PTCHD4: variants seen among roughly 807,000 people sequenced by gnomAD.
The protein encoded by PTCHD4 is patched domain containing 4.
In PTCHD4, 33 loss-of-function variants were observed where a neutral mutation model predicts 58.1. The observed-to-expected ratio is 0.57, with a 90% CI of 0.43 to 0.76. The LOEUF is 0.76. Among genes scored for constraint, PTCHD4 ranks in the 30% least tolerant of loss-of-function variants. The pLI, the probability that PTCHD4 is intolerant of heterozygous loss-of-function variation, is 0.00. For synonymous variants in PTCHD4, 478 were observed against 409.6 expected (o/e 1.17, Z -2.02); for missense variants, 1,058 against 1,027.1 (o/e 1.03, Z -0.41).
intron 4 of PTCHD4, among the ~76,000 whole-genome samples, chr6:47,888,346 G>T (rs1017858353): frequency 1.3e-5 from 2 of 151,780 alleles, no homozygotes; most frequent in Non-Finnish European, 2.9e-5. Context: ...GACAGCGCGA[G>T]ACTCAGTCCC....
rs1763533203 is a variant in PTCHD4 at position 47,865,295 on chromosome 6, A to T, written c.*13008T>A. 6.6e-6 allele frequency among the ~76,000 whole-genome samples: 1 copy of T among 151,952 alleles called. No homozygotes were observed. The highest frequency in any genetic ancestry group is 1.5e-5 in the Non-Finnish European group (1 of 67,918). On this transcript the variant is annotated 3_prime_UTR_variant, in exon 5 of 5. Transcript: ENST00000339488. The stretch of plus-strand genomic sequence containing the variant: ...CATCTTTTATTTACTGAATTTAATT[A>T]ATGCAATATAAACCATTTTTCCCCA...
intron 4 of PTCHD4, among the ~76,000 whole-genome samples, chr6:47,951,391 A>T (rs535716087): frequency 1.3e-5 from 2 of 152,318 alleles, no homozygotes; most frequent in East Asian, 3.9e-4. Flanking sequence ...CATTCACAGA[A>T]TTATATCACA....
At chr6:47,907,809 A>G (rs1222992539) in intron 4 of PTCHD4, among the ~76,000 whole-genome samples, 1 of 152,168 alleles carries the variant, frequency 6.6e-6, no homozygotes, top group Non-Finnish European at 1.5e-5. Context: ...GTGGCAAGGT[A>G]GCACACAGCT....
rs182027663 is a variant in PTCHD4, at chr6:47,863,415, G to A, written c.*14888C>T. Among the ~76,000 whole-genome samples the A allele has an allele frequency of 2.5e-4, 38 of 151,848 alleles. No individual in the cohort carries two copies. Among genetic ancestry groups the A allele is most frequent in the Non-Finnish European group, 4.6e-4 (31 of 67,854 alleles). On this transcript the variant is annotated 3_prime_UTR_variant, in exon 5 of 5. Transcript: ENST00000339488. ...AAAAATAGTACTTTACTATTATTTG[G>A]CCTAATAATATAATAGTGTTTCAGC...
chr6:47,884,687 G>A (rs1314891080), intron 4 of PTCHD4, among the ~76,000 whole-genome samples: 1 of 152,184 alleles, frequency 6.6e-6, no homozygotes, highest in Non-Finnish European at 1.5e-5. Context: ...CTTGTTTTAA[G>A]AACAACTCCA....
chr6:47,973,425 A>G (rs547831485), intron 4 of PTCHD4, among the ~76,000 whole-genome samples: 7 of 152,250 alleles, frequency 4.6e-5, no homozygotes, highest in South Asian at 4.1e-4. Context: ...AAATGACAAT[A>G]AAAACAATGC....
intron 4 of PTCHD4, among the ~76,000 whole-genome samples, chr6:47,929,235 A>C (rs573656089): frequency 6.6e-6 from 1 of 152,350 alleles, no homozygotes; most frequent in East Asian, 1.9e-4. Flanking sequence ...TTACATACCA[A>C]AATGAAAACG....
chr6:47,916,083 G>C (rs1765233501), intron 4 of PTCHD4, among the ~76,000 whole-genome samples: 1 of 152,136 alleles, frequency 6.6e-6, no homozygotes, highest in Non-Finnish European at 1.5e-5. Flanking sequence ...GACTGCTTCT[G>C]CTCTGCCAAT....
chr6:47,923,351 T>C (rs1286636211), intron 4 of PTCHD4, among the ~76,000 whole-genome samples: 1 of 152,186 alleles, frequency 6.6e-6, no homozygotes, highest in East Asian at 1.9e-4. Flanking sequence ...TGGGAATTCT[T>C]ATAGTCTTAC....
At chr6:48,040,050 G>T (rs896122043) in intron 3 of PTCHD4, among the ~76,000 whole-genome samples, 2 of 152,034 alleles carry the variant, frequency 1.3e-5, no homozygotes, top group Non-Finnish European at 2.9e-5. Flanking sequence ...CCGATTAGTG[G>T]ATGTCACTTT....
At chr6:48,021,112 T>TA (rs1258712122) in intron 3 of PTCHD4, among the ~76,000 whole-genome samples, 3 of 152,038 alleles carry the variant, frequency 2.0e-5, no homozygotes, top group Admixed American at 6.6e-5. Context: ...TACTGTCTTT[T>TA]AAAAAATCCT....
chr6:48,041,491 A>C (rs749581402), intron 3 of PTCHD4, among the ~76,000 whole-genome samples: 9 of 152,044 alleles, frequency 5.9e-5, no homozygotes, highest in Admixed American at 6.6e-5. Flanking sequence ...AGGTCTACAC[A>C]CCTAACTATA....
rs1463014100 is a variant in PTCHD4, at chr6:47,863,284, A to T, written c.*15019T>A. ...AATTTTATATAAACATAAGATGTGA[A>T]CATACTGCTAAGGACTGTCCTAGGG... is the stretch of plus-strand genomic sequence containing the variant. On this transcript the variant is annotated 3_prime_UTR_variant, in exon 5 of 5. Transcript: ENST00000339488. 6.6e-6 allele frequency among the ~76,000 whole-genome samples: 1 copy of T among 151,912 alleles called. No homozygotes were observed. The highest frequency in any genetic ancestry group is 1.5e-5 in the Non-Finnish European group (1 of 67,896).
chr6:47,985,168 A>G (rs1329235048), intron 4 of PTCHD4, among the ~76,000 whole-genome samples: 2 of 152,092 alleles, frequency 1.3e-5, no homozygotes, highest in East Asian at 3.8e-4. Context: ...TGCTTTCTCT[A>G]TGTATAGCTT....
rs148377402 is a variant in PTCHD4, at chr6:47,955,015, A to G, written c.898+53619T>C. On this transcript the variant is annotated intron_variant, in intron 4 of 4. Coordinates refer to ENST00000339488, the MANE Select transcript of PTCHD4 (RefSeq NM_001384253.1). ...AAGTCTCAGCAAAAACTAGCCAAAC[A>G]TAGGCATGACCATCAAATGATTTAC... Among the ~76,000 whole-genome samples the G allele has an allele frequency of 7.2e-4, 109 of 152,334 alleles. 1 individual carries two copies. The highest frequency in any genetic ancestry group is 2.5e-3 in the African/African-American group (106 of 41,578).
rs184748433 is a variant in PTCHD4, at chr6:47,946,176, T to C, written c.898+62458A>G. The stretch of plus-strand genomic sequence containing the variant: ...TCATTTGAGCTTAAAAATATGTGTA[T>C]GTTCTCACTCTCAGTGCATGATTCC... On this transcript the variant is annotated intron_variant, in intron 4 of 4. Transcript: ENST00000339488. Among the ~76,000 whole-genome samples, 4 of 152,228 alleles carry C rather than the reference T, an allele frequency of 2.6e-5. 1 individual carries two copies. The highest frequency in any genetic ancestry group is 2.6e-4 in the Admixed American group (4 of 15,288).
rs1042304688 is a variant in PTCHD4 at position 47,859,638 on chromosome 6, G to C, written c.*18665C>G. ...TGGGCTTATAGCAGTTTACAGAGCA[G>C]AAAAATATCTCTGCCCCCTTAGAGC... On this transcript the variant is annotated 3_prime_UTR_variant, in exon 5 of 5. Coordinates refer to ENST00000339488, the MANE Select transcript of PTCHD4 (RefSeq NM_001384253.1). Among the ~76,000 whole-genome samples, 1 of 151,182 alleles carries C rather than the reference G, an allele frequency of 6.6e-6. No homozygotes were observed. The highest frequency in any genetic ancestry group is 2.4e-5 in the African/African-American group (1 of 41,140).
intron 3 of PTCHD4, among the ~76,000 whole-genome samples, chr6:48,049,850 G>T (rs913150280): frequency 1.3e-4 from 19 of 151,744 alleles, no homozygotes; most frequent in African/African-American, 4.6e-4. Flanking sequence ...TCAATATTTT[G>T]GGTACTCTCA....
intron 4 of PTCHD4, among the ~76,000 whole-genome samples, chr6:47,890,380 T>C (rs925476859): frequency 6.6e-5 from 10 of 151,970 alleles, no homozygotes; most frequent in African/African-American, 2.2e-4. Context: ...AGTAGCAAAT[T>C]CCCCCAGAAC....
Sources: gnomAD v4.1 joint callset for allele counts (sites outside exome capture counted in the v4.1 genomes callset) on GRCh38, gnomAD v4.1.1 for gene constraint, MANE v1.5 for transcripts, NCBI Gene and HGNC (gene_info 2026-07-23, HGNC 2026-07-21) for gene names.